SCN9A: variants seen among roughly 807,000 people sequenced by gnomAD.
The protein encoded by SCN9A is sodium voltage-gated channel alpha subunit 9, also known as sodium channel protein type 9 subunit alpha.
Under a neutral mutation model 187.0 loss-of-function variants are expected in SCN9A, and 131 were observed. The ratio of observed to expected loss-of-function variants is 0.70; its 90% CI spans 0.61 to 0.81. SCN9A has a LOEUF of 0.81. SCN9A is among the 30% of genes least tolerant of loss of function. The pLI, the probability that SCN9A is intolerant of heterozygous loss-of-function variation, is 0.00. For synonymous variants in SCN9A, 809 were observed against 808.6 expected (o/e 1.00, Z -0.01); for missense variants, 2,252 against 2,396.6 (o/e 0.94, Z 1.26).
At position 166,254,488 on chromosome 2, in the gene SCN9A, G is replaced by A. The variant is rs549985401; in HGVS notation, c.3352-2603C>T. Among the ~76,000 whole-genome samples the A allele has an allele frequency of 2.0e-5, 3 of 150,472 alleles. No individual in the cohort carries two copies. In the East Asian group the frequency reaches 5.9e-4, roughly 29 times the overall value. On this transcript the variant is annotated intron_variant, in intron 17 of 26. Coordinates refer to ENST00000642356, the MANE Select transcript of SCN9A (RefSeq NM_001365536.1). ...TAGAAAGGCTGATATATATAATAAA[G>A]TTTTTTTTTCCTGCGGTGAAATATA...
At chr2:166,371,190 A>G (rs1333505250) in intron 1 of SCN9A, among the ~76,000 whole-genome samples, 1 of 152,210 alleles carries the variant, frequency 6.6e-6, no homozygotes, top group Non-Finnish European at 1.5e-5. Flanking sequence ...ACAACAACAT[A>G]TTTTTTGCTT....
At chr2:166,370,400 C>G (rs188123311) in intron 1 of SCN9A, among the ~76,000 whole-genome samples, 1 of 151,112 alleles carries the variant, frequency 6.6e-6, no homozygotes, top group Non-Finnish European at 1.5e-5. Flanking sequence ...AAACATTAGC[C>G]GGGCACGGTG....
At chr2:166,206,787 A>G (rs1309430537) in intron 24 of SCN9A, among the ~76,000 whole-genome samples, 3 of 152,190 alleles carry the variant, frequency 2.0e-5, no homozygotes, top group African/African-American at 4.8e-5. Flanking sequence ...ATACATTTCT[A>G]TATCTCTATT....
intron 21 of SCN9A, among the ~76,000 whole-genome samples, chr2:166,232,710 C>T (rs964546616): frequency 6.8e-6 from 1 of 146,998 alleles, no homozygotes; most frequent in Non-Finnish European, 1.5e-5. Context: ...CCTTGTTAAA[C>T]AATATGCACT....
At chr2:166,364,471 A>G (rs923622792) in intron 1 of SCN9A, among the ~76,000 whole-genome samples, 2 of 152,198 alleles carry the variant, frequency 1.3e-5, no homozygotes, top group African/African-American at 4.8e-5. Context: ...ATGTGTATAA[A>G]TGCACAATAA....
intron 1 of SCN9A, among the ~76,000 whole-genome samples, chr2:166,359,307 G>C (rs1700223646): frequency 6.6e-6 from 1 of 151,842 alleles, no homozygotes. Context: ...AGGTTAAAAG[G>C]AACTGCCAAT....
At chr2:166,329,477 G>A (rs183732115) in intron 1 of SCN9A, among the ~76,000 whole-genome samples, 348 of 151,730 alleles carry the variant, frequency 2.3e-3, no homozygotes, top group African/African-American at 7.6e-3. Flanking sequence ...TTGGATACAT[G>A]TAGATAGTAA....
intron 26 of SCN9A, 97 bp downstream of exon 26, chr2:166,203,858 G>A (rs1325017716): frequency 4.0e-6 from 3 of 754,176 alleles, no homozygotes; most frequent in Non-Finnish European, 6.4e-6. Context: ...TTACTCAAGA[G>A]TAAATTTGTG....
At chr2:166,350,493 T>C (rs1043108864) in intron 1 of SCN9A, among the ~76,000 whole-genome samples, 6 of 152,192 alleles carry the variant, frequency 3.9e-5, no homozygotes, top group Non-Finnish European at 7.4e-5. Context: ...AAGTTTTGAT[T>C]TGGGGAAGAG....
chr2:166,336,108 G>C (rs1169510404), intron 1 of SCN9A, among the ~76,000 whole-genome samples: 1 of 152,088 alleles, frequency 6.6e-6, no homozygotes, highest in Non-Finnish European at 1.5e-5. Context: ...ATCCCTCACT[G>C]ATACTGAGGG....
rs35244507 is a variant in SCN9A at position 166,348,250 on chromosome 2, A to G, written c.-51+27447T>C. On this transcript the variant is annotated intron_variant, in intron 1 of 26. Coordinates refer to ENST00000642356, the MANE Select transcript of SCN9A (RefSeq NM_001365536.1). ...ATAGAAAGTCTTCCAACATTAAAAA[A>G]AAAAAATGACAAGTAGCTATTTTCC... Among the ~76,000 whole-genome samples, 1,040 of 152,274 alleles carry G rather than the reference A, an allele frequency of 6.8e-3. 6 individuals are homozygous for G. Among genetic ancestry groups the G allele is most frequent in the Middle Eastern group, 0.02 (6 of 294 alleles).
intron 24 of SCN9A, among the ~76,000 whole-genome samples, chr2:166,210,473 TAAA>T (rs201071860): frequency 2.1e-5 from 1 of 47,072 alleles, no homozygotes; most frequent in African/African-American, 7.6e-5. Flanking sequence ...AAAATAAAAA[TAAA>T]AAAATAAAAA....
chr2:166,240,764 G>C (rs75004880), intron 19 of SCN9A, among the ~76,000 whole-genome samples: 1 of 152,068 alleles, frequency 6.6e-6, no homozygotes, highest in African/African-American at 2.4e-5. Context: ...TGCCAAGAAT[G>C]CCAGGCTCTG....
At chr2:166,294,787 A>T (rs896789461) in intron 7 of SCN9A, 125 bp from the exon 8 acceptor site, 7 of 525,180 alleles carry the variant, frequency 1.3e-5, no homozygotes, top group East Asian at 1.2e-4. Context: ...GGCAATATGC[A>T]TCCATTTATT....
In SCN9A at chr2:166,195,516, A is replaced by C. The variant is rs2106332219; in HGVS notation, c.*3156T>G. ...TAATTTAGTTGGCCCTTCTTTCAGC[A>C]CTTCTATTAACATTTCTCTGAAATA... On this transcript the variant is annotated 3_prime_UTR_variant, in exon 27 of 27. Coordinates refer to ENST00000642356, the MANE Select transcript of SCN9A (RefSeq NM_001365536.1). 1 of 152,240 alleles carries C rather than the reference A, an allele frequency of 6.6e-6. No homozygotes were observed. Among genetic ancestry groups the C allele is most frequent in the Middle Eastern group, 3.4e-3 (1 of 294 alleles). The allele number at this position is 152,240 out of a possible 1,614,324, so 9.4% of individuals were successfully genotyped here. A position where few individuals can be genotyped will look rare whatever the true frequency, so the allele number is the denominator to read the frequency against.
Position 166,238,199 on chromosome 2 carries a change from G to A in SCN9A, c.3696C>T (p.Ile1232=). 6.2e-7 allele frequency: 1 copy of A among 1,605,184 alleles called. No homozygotes were observed. Among genetic ancestry groups the A allele is most frequent in the South Asian group, 1.1e-5 (1 of 90,100 alleles). The change falls in exon 20 of 27, where the codon ATC becomes ATT. Residue 1232 remains isoleucine (I), a synonymous_variant. Coordinates refer to ENST00000642356, the MANE Select transcript of SCN9A (RefSeq NM_001365536.1). ...TTTCCAGAATGAAGATGTAAGTGAAGATCTTGTCTGCATACTCCAGGATAA... is the reference window on the plus strand; with the variant it reads ...TTTCCAGAATGAAGATGTAAGTGAAAATCTTGTCTGCATACTCCAGGATAA... The part of the protein sequence containing the change: ...IKIILEYADK[I]FTYIFILEML...
At chr2:166,244,737 G>C (rs965063536) in intron 18 of SCN9A, among the ~76,000 whole-genome samples, 2 of 151,946 alleles carry the variant, frequency 1.3e-5, no homozygotes, top group Non-Finnish European at 2.9e-5. Context: ...CTGGATGGTG[G>C]AAGTATGTCA....
chr2:166,248,836 T>G (rs1695908450), intron 18 of SCN9A, among the ~76,000 whole-genome samples: 1 of 151,932 alleles, frequency 6.6e-6, no homozygotes, highest in Non-Finnish European at 1.5e-5. Context: ...TCAATTAATT[T>G]TTTTTTCATT....
At chr2:166,307,117 A>C in intron 2 of SCN9A, 43 bp from the exon 3 acceptor site, 1 of 1,167,554 alleles carries the variant, frequency 8.6e-7, no homozygotes. Flanking sequence ...AATCCAAAAT[A>C]TCAATTTTTC....
Sources: allele counts gnomAD v4.1 joint callset (sites outside exome capture counted in the v4.1 genomes callset), GRCh38; gene constraint gnomAD v4.1.1; transcripts MANE v1.5; gene names NCBI Gene and HGNC (gene_info 2026-07-23, HGNC 2026-07-21).